The following TANC2 variants were observed in gnomAD, a reference collection of about 807,000 sequenced individuals.
TANC2 encodes the protein tetratricopeptide repeat, ankyrin repeat and coiled-coil containing 2.
In TANC2, 26 loss-of-function variants were observed where a neutral mutation model predicts 210.5. The ratio of observed to expected loss-of-function variants is 0.12; its 90% CI spans 0.09 to 0.17. TANC2 has a LOEUF of 0.17. TANC2 is among the 10% of genes least tolerant of loss of function. The probability of loss-of-function intolerance (pLI) is 1.00; values close to 1 mark genes in which losing one functional copy is unlikely to be tolerated. For missense variants in TANC2, 2,129 were observed against 2,608.9 expected, an observed-to-expected ratio of 0.82 and a Z score of 4.01; for synonymous variants, 931 against 967.1, an observed-to-expected ratio of 0.96 and a Z score of 0.69.
chr17:63,017,603 T>C (rs906861633), intron 2 of TANC2, among the ~76,000 whole-genome samples: 4 of 152,168 alleles, frequency 2.6e-5, no homozygotes, highest in Non-Finnish European at 5.9e-5. Context: ...TTTCTTTATC[T>C]CCAGGTTTCC....
intron 11 of TANC2, chr17:63,332,305 C>T (rs2045884380): frequency 3.0e-6 from 1 of 331,480 alleles, no homozygotes; most frequent in Non-Finnish European, 5.9e-6. Flanking sequence ...CTCCCCTTCC[C>T]CTGCTATTCC....
chr17:63,374,864 G>T (rs1399816537), intron 14 of TANC2, among the ~76,000 whole-genome samples: 1 of 152,154 alleles, frequency 6.6e-6, no homozygotes, highest in Non-Finnish European at 1.5e-5. Flanking sequence ...TCAGGTTTTT[G>T]CAATGTAGAT....
At chr17:63,147,855 T>C (rs924439511) in intron 4 of TANC2, among the ~76,000 whole-genome samples, 3 of 152,194 alleles carry the variant, frequency 2.0e-5, no homozygotes, top group African/African-American at 7.2e-5. Flanking sequence ...ACTGTTCACA[T>C]CCCCTTAGAC....
In TANC2 at chr17:63,389,173, A is replaced by G. The variant is rs1254802871; in HGVS notation, c.2815-135A>G. 1.1e-5 allele frequency: 8 copies of G among 702,440 alleles called. No individual in the cohort carries two copies. In the East Asian group the frequency reaches 2.2e-4, roughly 19 times the overall value. 43.5% of individuals were successfully genotyped at this position (702,440 alleles called of 1,614,324 possible). ...TACCAAAGGAAAAGAAAAAGGAGCAAATGAGATTATAAAATAAAGCAATTA... is the reference window on the plus strand; with the variant it reads ...TACCAAAGGAAAAGAAAAAGGAGCAGATGAGATTATAAAATAAAGCAATTA... On this transcript the variant is annotated intron_variant, in intron 16 of 27. Transcript: ENST00000689528.
chr17:63,379,793 G>A lies in TANC2; in HGVS notation c.2658G>A (p.Leu886=), dbSNP rs751293099. ...TAAACCGACAGCAGACTATTGAACTGGGACATCACATCCTCAAAGCACACA... is the reference window on the plus strand; with the variant it reads ...TAAACCGACAGCAGACTATTGAACTAGGACATCACATCCTCAAAGCACACA... Residue 886 remains leucine (L), a synonymous_variant, in exon 15 of 28, where the codon CTG becomes CTA. Transcript: ENST00000689528. 206 of 1,612,092 alleles carry A rather than the reference G, an allele frequency of 1.3e-4. 1 individual carries two copies. The Admixed American group carries it at 3.4e-3, about 26-fold the overall frequency.
intron 8 of TANC2, among the ~76,000 whole-genome samples, chr17:63,254,616 G>A (rs78016371): frequency 7.9e-5 from 12 of 152,166 alleles, no homozygotes; most frequent in East Asian, 3.9e-4. Context: ...TGAGTCTGTC[G>A]TATATGTCTT....
At chr17:63,413,479 C>A in intron 24 of TANC2, 64 bp from the exon 25 acceptor site, 1 of 1,322,838 alleles carries the variant, frequency 7.6e-7, no homozygotes, top group Non-Finnish European at 1.0e-6. Flanking sequence ...TTTTTTTCAC[C>A]TAGCTTCCTA....
intron 9 of TANC2, among the ~76,000 whole-genome samples, chr17:63,297,584 A>G (rs1296494170): frequency 6.6e-6 from 1 of 152,198 alleles, no homozygotes; most frequent in African/African-American, 2.4e-5. Flanking sequence ...CCTACAGATA[A>G]GAGCTCCAAC....
intron 4 of TANC2, chr17:63,148,580 T>A (rs1466116046): frequency 6.6e-6 from 1 of 152,190 alleles, no homozygotes; most frequent in Non-Finnish European, 1.5e-5. Context: ...GAATCGATGT[T>A]CCCAGTGTCA....
chr17:63,087,251 A>G (rs1414371803), intron 3 of TANC2, among the ~76,000 whole-genome samples: 1 of 152,152 alleles, frequency 6.6e-6, no homozygotes, highest in Non-Finnish European at 1.5e-5. Context: ...TTTTGCTGAA[A>G]GGTAGACATG....
chr17:63,356,779 C>T (rs535630804), intron 14 of TANC2, among the ~76,000 whole-genome samples: 1 of 152,152 alleles, frequency 6.6e-6, no homozygotes, highest in African/African-American at 2.4e-5. Context: ...GTTTTCTTAT[C>T]TACATAAGAG....
chr17:63,310,860 A>G (rs574395513), intron 9 of TANC2, among the ~76,000 whole-genome samples: 1 of 152,348 alleles, frequency 6.6e-6, no homozygotes, highest in African/African-American at 2.4e-5. Context: ...CTGGAGAGCA[A>G]TTTGGTAAGG....
chr17:63,246,712 A>G (rs1439307834), intron 8 of TANC2, among the ~76,000 whole-genome samples: 1 of 151,984 alleles, frequency 6.6e-6, no homozygotes, highest in Non-Finnish European at 1.5e-5. Flanking sequence ...TTCATTTACC[A>G]TTTGATAGAC....
intron 2 of TANC2, among the ~76,000 whole-genome samples, chr17:63,045,926 C>T (rs4968751): frequency 0.24 from 36,698 of 151,970 alleles, 4,821 homozygotes; most frequent in South Asian, 0.35. Context: ...TAGGCACACA[C>T]CATCATGCCT....
chr17:63,047,381 T>G (rs1196209155), intron 2 of TANC2, among the ~76,000 whole-genome samples: 1 of 152,122 alleles, frequency 6.6e-6, no homozygotes, highest in East Asian at 1.9e-4. Context: ...ACTCAGTTAT[T>G]TGTGGATATA....
At chr17:62,992,811 A>G (rs1042003438) in intron 1 of TANC2, among the ~76,000 whole-genome samples, 9 of 152,246 alleles carry the variant, frequency 5.9e-5, no homozygotes, top group African/African-American at 2.2e-4. Flanking sequence ...TGCTGCTGTA[A>G]CAAATTTCCA....
intron 14 of TANC2, among the ~76,000 whole-genome samples, chr17:63,361,342 C>T (rs184300018): frequency 1.3e-5 from 2 of 152,232 alleles, no homozygotes; most frequent in Non-Finnish European, 2.9e-5. Flanking sequence ...CCAGATCCCA[C>T]ACCTCCCAAG....
chr17:63,099,404 A>C (rs1225069982), intron 4 of TANC2, 47 bp downstream of exon 4: 1 of 1,363,632 alleles, frequency 7.3e-7, no homozygotes, highest in African/African-American at 1.5e-5. Context: ...AAACCTAACG[A>C]TATGACACTT....
At position 63,421,226 on chromosome 17, in the gene TANC2, G is replaced by A. The variant is rs558711762; in HGVS notation, c.5496G>A (p.Ser1832=). 48 of 1,613,982 alleles carry A rather than the reference G, an allele frequency of 3.0e-5. 1 individual carries two copies. Among genetic ancestry groups the A allele is most frequent in the South Asian group, 3.0e-4 (27 of 91,076 alleles). The change falls in exon 28 of 28, where the codon TCG becomes TCA. Residue 1832 remains serine (S), a synonymous_variant. Transcript: ENST00000689528. This position sits in a 1 kb window ranked among gnomAD's most constrained non-coding sequence, Gnocchi z 6.9. ...GCCAACTAGGTTCCCCTGATGTGTC[G>A]CATTTAATCAGAAGACCTATCAGTG...
Sources: gnomAD v4.1 joint callset for allele counts (sites outside exome capture counted in the v4.1 genomes callset) on GRCh38, gnomAD v4.1.1 for gene constraint, Gnocchi (gnomAD v3.1) non-coding constraint, MANE v1.5 for transcripts, NCBI Gene and HGNC (gene_info 2026-07-23, HGNC 2026-07-21) for gene names.